The following UHRF2 variants were observed in gnomAD, a reference collection of about 807,000 sequenced individuals.
UHRF2 encodes E3 ubiquitin-protein ligase UHRF2.
UHRF2 carries 23 observed loss-of-function variants against 96.8 expected under a neutral mutation model. The ratio of observed to expected loss-of-function variants is 0.24; its 90% confidence interval spans 0.17 to 0.34. The LOEUF (loss-of-function observed/expected upper bound fraction) is 0.34. UHRF2 is among the 10% of genes least tolerant of loss of function. The pLI is 1.00. For synonymous variants in UHRF2, 385 were observed against 332.6 expected (o/e 1.16, Z -1.72); for missense variants, 685 against 981.5 (o/e 0.70, Z 4.04).
At chr9:6,481,034 C>A (rs763958199) in intron 6 of UHRF2, among the ~76,000 whole-genome samples, 6 of 152,172 alleles carry the variant, frequency 3.9e-5, no homozygotes, top group Non-Finnish European at 5.9e-5. Context: ...ATAGCCTCCT[C>A]TCATTCTGTA....
chr9:6,469,329 C>G (rs904507362), intron 4 of UHRF2, among the ~76,000 whole-genome samples: 1 of 151,970 alleles, frequency 6.6e-6, no homozygotes, highest in South Asian at 2.1e-4. Context: ...ACTATCCTGG[C>G]CAACATAGTG....
At chr9:6,478,533 G>A (rs928216348) in intron 6 of UHRF2, among the ~76,000 whole-genome samples, 183 of 152,274 alleles carry the variant, frequency 1.2e-3, no homozygotes, top group African/African-American at 4.3e-3. Context: ...TTCTCCTATG[G>A]CGTGGTGATA....
At chr9:6,476,411 A>T (rs1159436731) in intron 5 of UHRF2, among the ~76,000 whole-genome samples, 1 of 152,200 alleles carries the variant, frequency 6.6e-6, no homozygotes, top group African/African-American at 2.4e-5. Flanking sequence ...CCTTAGAATT[A>T]TAGTGCTGAT....
At chr9:6,441,222 A>C (rs191432583) in intron 3 of UHRF2, among the ~76,000 whole-genome samples, 116 of 152,140 alleles carry the variant, frequency 7.6e-4, no homozygotes, top group African/African-American at 2.7e-3. Context: ...CTACAAAAAA[A>C]ACTCAGCCAC....
intron 9 of UHRF2, among the ~76,000 whole-genome samples, chr9:6,492,041 G>A (rs1216615076): frequency 6.6e-6 from 1 of 152,076 alleles, no homozygotes; most frequent in Non-Finnish European, 1.5e-5. Flanking sequence ...CCTTTCCATA[G>A]GAAAAATAGC....
At chr9:6,473,483 T>C (rs1823374258) in intron 4 of UHRF2, among the ~76,000 whole-genome samples, 2 of 152,150 alleles carry the variant, frequency 1.3e-5, no homozygotes. Context: ...AATATCAACA[T>C]TTTCTAATCC....
intron 3 of UHRF2, among the ~76,000 whole-genome samples, chr9:6,444,928 C>G (rs1242713874): frequency 6.6e-6 from 1 of 151,878 alleles, no homozygotes; most frequent in African/African-American, 2.4e-5. Flanking sequence ...AAAGAGGTAC[C>G]ACGCTGGCCA....
chr9:6,497,253 C>T lies in UHRF2; in HGVS notation c.1660C>T (p.Arg554Trp). The change falls in exon 11 of 16, where the codon CGG (arginine) becomes TGG (tryptophan). Residue 554 changes from arginine to tryptophan, a missense_variant. Around this residue, in one of 6 missense-constraint regions of UHRF2, gnomAD observed 73 missense variants for 283.7 expected, o/e 0.26. Transcript: ENST00000276893. ...GGATGATAAAATTGGAGCAGAGTCT[C>T]GGAATTGGAGAGCTGGTAAGCCAGT... ...PLDDKIGAES[R>W]NWRAGKPVRV... 6.2e-7 allele frequency: 1 copy of T among 1,613,912 alleles called. No individual in the cohort carries two copies.
At chr9:6,485,861 T>A (rs1218739503) in intron 8 of UHRF2, among the ~76,000 whole-genome samples, 5 of 141,132 alleles carry the variant, frequency 3.5e-5, no homozygotes, top group Admixed American at 2.9e-4. Flanking sequence ...GACCAACAGA[T>A]GAACTGCAAT....
At chr9:6,430,490 G>A (rs1820505092) in intron 2 of UHRF2, among the ~76,000 whole-genome samples, 1 of 152,168 alleles carries the variant, frequency 6.6e-6, no homozygotes, top group Non-Finnish European at 1.5e-5. Context: ...TGGCTGAGGA[G>A]AGACTGCCCT....
intron 8 of UHRF2, chr9:6,484,785 C>CTTTCTTTT (rs1563796712): frequency 1.5e-5 from 1 of 66,296 alleles, no homozygotes; most frequent in Non-Finnish European, 2.7e-5. Context: ...TCACTTCTTT[C>CTTTCTTTT]TTTTTTTTTT....
chr9:6,469,657 GGTGTGTGT>G (rs34918540), intron 4 of UHRF2, among the ~76,000 whole-genome samples: 15 of 147,994 alleles, frequency 1.0e-4, no homozygotes, highest in Non-Finnish European at 1.6e-4. Flanking sequence ...CTTGATGAAA[GGTGTGTGT>G]GTGTGTGTGT....
intron 3 of UHRF2, 106 bp downstream of exon 3, chr9:6,434,279 G>A (rs1820709693): frequency 1.5e-6 from 2 of 1,362,548 alleles, no homozygotes; most frequent in Non-Finnish European, 1.9e-6. Flanking sequence ...AAATCCTTTA[G>A]AGGTTATGTT....
intron 2 of UHRF2, among the ~76,000 whole-genome samples, chr9:6,427,211 T>A (rs1820309458): frequency 6.6e-6 from 1 of 151,972 alleles, no homozygotes; most frequent in Admixed American, 6.6e-5. Flanking sequence ...TGGTAAATAT[T>A]TTTTTTTATA....
chr9:6,500,056 T>C, intron 13 of UHRF2, 125 bp downstream of exon 13: 1 of 711,172 alleles, frequency 1.4e-6, no homozygotes, highest in Non-Finnish European at 2.3e-6. Flanking sequence ...CACTGTAGCC[T>C]TGACCTCCTG....
At chr9:6,475,631 G>C (rs1823521835) in intron 5 of UHRF2, 131 bp downstream of exon 5, 1 of 403,208 alleles carries the variant, frequency 2.5e-6, no homozygotes, top group Non-Finnish European at 4.4e-6. Context: ...CAAGACAACA[G>C]TTTTGATCTA....
At chr9:6,487,832 T>A (rs574552273) in intron 9 of UHRF2, among the ~76,000 whole-genome samples, 3 of 152,356 alleles carry the variant, frequency 2.0e-5, no homozygotes, top group African/African-American at 7.2e-5. Flanking sequence ...CATTCTTCTT[T>A]AAGTTTTCTC....
intron 4 of UHRF2, among the ~76,000 whole-genome samples, chr9:6,472,727 T>C (rs988509687): frequency 6.6e-6 from 1 of 152,174 alleles, no homozygotes; most frequent in Non-Finnish European, 1.5e-5. Context: ...AGAAGGGAAA[T>C]ATGCAAAAAA....
In UHRF2 at chr9:6,455,083, A is replaced by G. The variant is rs186123189; in HGVS notation, c.645-5490A>G. 1.5e-3 allele frequency among the ~76,000 whole-genome samples: 236 copies of G among 152,298 alleles called. 1 individual carries two copies. Among genetic ancestry groups the G allele is most frequent in the African/African-American group, 5.5e-3 (230 of 41,570 alleles). On this transcript the variant is annotated intron_variant, in intron 3 of 15. Transcript: ENST00000276893. ...TAAGAGTAAGAACCAGATGTTACTC[A>G]TTTCTTTGTCCCTCTACTACCTAGC... is the stretch of plus-strand genomic sequence containing the variant.
Sources: allele counts gnomAD v4.1 joint callset (sites outside exome capture counted in the v4.1 genomes callset), GRCh38; gene constraint gnomAD v4.1.1; regional missense constraint gnomAD v4.1.1; transcripts MANE v1.5; gene names NCBI Gene and HGNC (gene_info 2026-07-23, HGNC 2026-07-21).